ENOX1: variants seen among roughly 807,000 people sequenced by gnomAD.
ENOX1 encodes ecto-NOX disulfide-thiol exchanger 1, also known as candidate growth-related and time keeping constitutive hydroquinone (NADH) oxidase.
In ENOX1, 42 loss-of-function variants were observed where a neutral mutation model predicts 82.5. The ratio of observed to expected loss-of-function variants is 0.51; its 90% confidence interval spans 0.40 to 0.66. The LOEUF is 0.66. Among genes scored for constraint, ENOX1 ranks in the 30% least tolerant of loss-of-function variants. The pLI, the probability that ENOX1 is intolerant of heterozygous loss-of-function variation, is 0.00. For missense variants in ENOX1, 608 were observed against 811.6 expected (o/e 0.75, Z 3.05); for synonymous variants, 271 against 282.2 (o/e 0.96, Z 0.40).
intron 14 of ENOX1, among the ~76,000 whole-genome samples, chr13:43,237,768 C>T (rs930133110): frequency 6.6e-6 from 1 of 151,996 alleles, no homozygotes; most frequent in Admixed American, 6.6e-5. Context: ...GGGAGCATGC[C>T]GAGCCTGCAA....
At chr13:43,647,210 C>T (rs908019414) in intron 2 of ENOX1, among the ~76,000 whole-genome samples, 2 of 152,182 alleles carry the variant, frequency 1.3e-5, no homozygotes, top group Admixed American at 1.3e-4. Flanking sequence ...GGCTCAGTCA[C>T]TTAGGCAATT....
chr13:43,326,309 T>C lies in ENOX1; in HGVS notation c.1143+110A>G, dbSNP rs112895196. 7,377 of 838,548 alleles carry C rather than the reference T, an allele frequency of 8.8e-3. 198 individuals are homozygous for C. Among genetic ancestry groups the C allele is most frequent in the South Asian group, 0.047 (2,790 of 59,386 alleles). 51.9% of individuals were successfully genotyped at this position (838,548 alleles called of 1,614,324 possible). A position where few individuals can be genotyped will look rare whatever the true frequency, so the allele number is the denominator to read the frequency against. On this transcript the variant is annotated intron_variant, in intron 10 of 16. Transcript: ENST00000690772. ...TGGAGCTGACAGTGAGATCAGACAATGGCAGGCGGACTGCCCACTATAACA... is the reference window on the plus strand; with the variant it reads ...TGGAGCTGACAGTGAGATCAGACAACGGCAGGCGGACTGCCCACTATAACA...
At chr13:43,762,411 A>G (rs958701017) in intron 1 of ENOX1, among the ~76,000 whole-genome samples, 2 of 151,768 alleles carry the variant, frequency 1.3e-5, no homozygotes, top group Non-Finnish European at 2.9e-5. Flanking sequence ...AAGCTTCACA[A>G]TCAGATTTGA....
intron 2 of ENOX1, among the ~76,000 whole-genome samples, chr13:43,580,304 ACACT>A (rs1315578821): frequency 6.6e-6 from 1 of 152,256 alleles, no homozygotes; most frequent in Non-Finnish European, 1.5e-5. Flanking sequence ...AAGTTAGTTG[ACACT>A]CAGCCATTTG....
chr13:43,479,423 T>C (rs2058422671), intron 3 of ENOX1, among the ~76,000 whole-genome samples: 1 of 152,200 alleles, frequency 6.6e-6, no homozygotes, highest in Admixed American at 6.5e-5. Flanking sequence ...CCGGCCACCT[T>C]TGTGGCATCA....
chr13:43,245,717 T>A (rs928990503), intron 14 of ENOX1, among the ~76,000 whole-genome samples: 1 of 152,278 alleles, frequency 6.6e-6, no homozygotes, highest in South Asian at 2.1e-4. Flanking sequence ...AAGGTCTGTA[T>A]AAGGGGAGCC....
chr13:43,270,270 G>A (rs1348957554), intron 12 of ENOX1, among the ~76,000 whole-genome samples: 1 of 152,102 alleles, frequency 6.6e-6, no homozygotes, highest in African/African-American at 2.4e-5. Context: ...GAATTCTTTG[G>A]GACATGGTGA....
intron 2 of ENOX1, among the ~76,000 whole-genome samples, chr13:43,664,560 A>C (rs2084886989): frequency 6.6e-6 from 1 of 152,226 alleles, no homozygotes; most frequent in Non-Finnish European, 1.5e-5. Flanking sequence ...GGGCTGGCCC[A>C]CCATCACTCT....
At chr13:43,710,700 G>C (rs922364574) in intron 1 of ENOX1, among the ~76,000 whole-genome samples, 1 of 151,892 alleles carries the variant, frequency 6.6e-6, no homozygotes, top group African/African-American at 2.4e-5. Context: ...AAAGTAAGCT[G>C]AACCAATAGA....
chr13:43,297,980 A>C (rs1462015200), intron 12 of ENOX1, among the ~76,000 whole-genome samples: 3 of 152,260 alleles, frequency 2.0e-5, no homozygotes, highest in African/African-American at 7.2e-5. Context: ...GCTTTTGTAA[A>C]ATCAGTTGTC....
At chr13:43,251,475 C>G (rs1200833862) in intron 14 of ENOX1, among the ~76,000 whole-genome samples, 1 of 152,162 alleles carries the variant, frequency 6.6e-6, no homozygotes. Flanking sequence ...GGAATACATA[C>G]AAATTCTCCA....
chr13:43,477,967 G>A (rs2058354671), intron 3 of ENOX1, among the ~76,000 whole-genome samples: 1 of 151,836 alleles, frequency 6.6e-6, no homozygotes, highest in African/African-American at 2.4e-5. Context: ...GGGTGCTGGG[G>A]GACTCCAGCA....
At chr13:43,381,805 T>C (rs78169303) in intron 5 of ENOX1, among the ~76,000 whole-genome samples, 9,378 of 151,972 alleles carry the variant, frequency 0.062, 350 homozygotes, top group South Asian at 0.1. Context: ...CCAAAGCTCA[T>C]TGAAAGAAAA....
chr13:43,397,522 C>A (rs1566116581), intron 5 of ENOX1, among the ~76,000 whole-genome samples: 1 of 152,144 alleles, frequency 6.6e-6, no homozygotes, highest in Non-Finnish European at 1.5e-5. Flanking sequence ...ATGGTCCCAT[C>A]CAGTGAAGTG....
chr13:43,733,630 T>C (rs141112442), intron 1 of ENOX1, among the ~76,000 whole-genome samples: 1 of 152,310 alleles, frequency 6.6e-6, no homozygotes, highest in Non-Finnish European at 1.5e-5. Context: ...ATATACCCTG[T>C]TCAGATTGCT....
At chr13:43,415,232 G>GGT (rs2054375950) in intron 3 of ENOX1, among the ~76,000 whole-genome samples, 1 of 54,640 alleles carries the variant, frequency 1.8e-5, no homozygotes, top group African/African-American at 7.4e-5. Context: ...CCAATCCAAT[G>GGT]TTTTTTTTTT....
chr13:43,531,608 T>A (rs2078220625), intron 2 of ENOX1, among the ~76,000 whole-genome samples: 1 of 146,340 alleles, frequency 6.8e-6, no homozygotes, highest in Non-Finnish European at 1.5e-5. Flanking sequence ...CATGCTGCTA[T>A]AAAGACACAT....
chr13:43,361,515 C>A (rs1291707541), intron 5 of ENOX1, 63 bp from the exon 6 acceptor site: 2 of 1,488,514 alleles, frequency 1.3e-6, no homozygotes, highest in African/African-American at 1.4e-5. Context: ...GTTGTTTTTG[C>A]CATTTTCCTG....
At chr13:43,316,480 T>A (rs1304325459) in intron 11 of ENOX1, among the ~76,000 whole-genome samples, 2 of 152,170 alleles carry the variant, frequency 1.3e-5, no homozygotes, top group African/African-American at 4.8e-5. Context: ...GGGCTAAGCT[T>A]AAAGACAGTT....
Sources: gnomAD v4.1 joint callset for allele counts (sites outside exome capture counted in the v4.1 genomes callset) on GRCh38, gnomAD v4.1.1 for gene constraint, MANE v1.5 for transcripts, NCBI Gene and HGNC (gene_info 2026-07-23, HGNC 2026-07-21) for gene names.